The following SYCE1 variants were observed in gnomAD, a reference collection of about 807,000 sequenced individuals.
SYCE1 encodes the protein synaptonemal complex central element protein 1, also known as cancer/testis antigen 76.
A neutral mutation model predicts 55.1 loss-of-function variants in SYCE1; 37 were observed. The ratio of observed to expected loss-of-function variants is 0.67; its 90% CI spans 0.52 to 0.88. The LOEUF (loss-of-function observed/expected upper bound fraction) is 0.88. SYCE1 is among the 40% of genes least tolerant of loss of function. The pLI, the probability that SYCE1 is intolerant of heterozygous loss-of-function variation, is 0.00. For synonymous variants in SYCE1, 163 were observed against 159.4 expected (o/e 1.02, Z -0.17); for missense variants, 399 against 416.4 (o/e 0.96, Z 0.36).
chr10:133,556,172 G>T, intron 8 of SYCE1, 125 bp from the exon 9 acceptor site: 1 of 1,077,574 alleles, frequency 9.3e-7, no homozygotes, highest in Non-Finnish European at 1.3e-6. Context: ...GCCCCTCTGT[G>T]CACACCAGCT....
chr10:133,561,952 G>C (rs962010933), intron 1 of SYCE1, among the ~76,000 whole-genome samples: 1 of 151,976 alleles, frequency 6.6e-6, no homozygotes, highest in African/African-American at 2.4e-5. Flanking sequence ...AAAAAAGGGG[G>C]GGAAGATTTT....
intron 2 of SYCE1, 26 bp downstream of exon 2, chr10:133,560,065 T>C: frequency 6.2e-7 from 1 of 1,610,992 alleles, no homozygotes; most frequent in Non-Finnish European, 8.5e-7. Flanking sequence ...CCTCAGGCTG[T>C]GCCTCACACA....
intron 6 of SYCE1, 129 bp from the exon 7 acceptor site, chr10:133,557,285 G>A: frequency 1.3e-6 from 1 of 741,966 alleles, no homozygotes; most frequent in Non-Finnish European, 2.3e-6. Flanking sequence ...TGTAACATGT[G>A]GTAAGTAGGG....
Position 133,557,093 on chromosome 10 carries a change from T to G in SYCE1, c.438A>C (p.Glu146Asp), listed in dbSNP as rs148717072. 6.2e-7 allele frequency: 1 copy of G among 1,614,180 alleles called. No homozygotes were observed. The highest frequency in any genetic ancestry group is 8.5e-7 in the Non-Finnish European group (1 of 1,180,024). Residue 146 changes from glutamate (E) to aspartate (D), a missense_variant, in exon 7 of 13, where the codon GAA becomes GAC. Glu to Asp is a conservative substitution (Grantham distance 45). Coordinates refer to ENST00000343131, the MANE Select transcript of SYCE1 (RefSeq NM_001143764.3). ...TCAGCTGTCTCTGTTTGTTCTTCTC[T>G]TCTTCAATCTGCAAGTTCAGGGCAG... Reference protein sequence around the residue: ...RISALNLQIEEEKNKQRQLRL... With the variant: ...RISALNLQIEDEKNKQRQLRL...
rs940944276 is a variant in SYCE1 at position 133,555,022 on chromosome 10, C to T, written c.1026G>A (p.Arg342=). The T allele has an allele frequency of 1.3e-6, 2 of 1,550,780 alleles. No homozygotes were observed. Among genetic ancestry groups the T allele is most frequent in the Non-Finnish European group, 1.7e-6 (2 of 1,146,660 alleles). ...ATAGCTCCTTTATTTCCTGAAAGCC[C>T]CTTGGGCTAAGGTCGGGGTGGAGTG... The part of the protein sequence containing the change: ...EDTLHPDLSP[R]GFQEIKELF The change falls in exon 13 of 13, where the codon AGG becomes AGA. Residue 342 remains arginine, a synonymous_variant. Coordinates refer to ENST00000343131, the MANE Select transcript of SYCE1 (RefSeq NM_001143764.3).
chr10:133,568,055 G>GC (rs1374718345), upstream of SYCE1: 10 of 637,596 alleles, frequency 1.6e-5, no homozygotes, highest in South Asian at 1.6e-4. Flanking sequence ...GGACGGTGCG[G>GC]CCCGGGGGCC....
rs1851688414 is a variant in SYCE1 at position 133,556,558 on chromosome 10, T to C, written c.528+201A>G. The C allele has an allele frequency of 4.8e-6, 3 of 627,062 alleles. No homozygotes were observed. In the Admixed American group the frequency reaches 8.0e-5, roughly 17 times the overall value. The allele number at this position is 627,062 out of a possible 1,614,324, so 38.8% of individuals were successfully genotyped here. ...ACAGTGATGGAAGACTTGACCTTGG[T>C]CTCATCAGAGATCCCCCTGACCACT... On this transcript the variant is annotated intron_variant, in intron 8 of 12. Transcript: ENST00000343131.
upstream of SYCE1, chr10:133,568,199 A>G (rs1851995146): frequency 1.8e-6 from 2 of 1,108,078 alleles, no homozygotes; most frequent in East Asian, 5.2e-5. Context: ...GTAGCTGTAG[A>G]TGCCGAGCCG....
chr10:133,561,757 TATTTTTTTTTGTTGTTGTTTCTTTC>T (rs1851819306), intron 1 of SYCE1, among the ~76,000 whole-genome samples: 2 of 16,652 alleles, frequency 1.2e-4, no homozygotes, highest in Non-Finnish European at 7.0e-4. Flanking sequence ...GCTTAACTGG[TATTTTTTTTTGTTGTTGTTTCTTTC>T]TGTTTTTGTT....
chr10:133,555,592 C>A lies in SYCE1; in HGVS notation c.830+5G>T, dbSNP rs777947876. 6.2e-7 allele frequency: 1 copy of A among 1,603,594 alleles called. No homozygotes were observed. Reference sequence around the variant, plus strand: ...GGGTTGCGGGGACAGGGCCTCCACACGCACCTCTGCCGCTTCTGCTGCTGT... The same window carrying A: ...GGGTTGCGGGGACAGGGCCTCCACAAGCACCTCTGCCGCTTCTGCTGCTGT... On this transcript the variant is annotated splice_donor_5th_base_variant and intron_variant, in intron 11 of 12. Transcript: ENST00000343131.
upstream of SYCE1, among the ~76,000 whole-genome samples, chr10:133,566,515 G>T (rs1435597258): frequency 6.6e-6 from 1 of 150,964 alleles, no homozygotes; most frequent in African/African-American, 2.4e-5. Flanking sequence ...TAGTGTTAGG[G>T]GTAGGGGAAG....
upstream of SYCE1, among the ~76,000 whole-genome samples, chr10:133,566,404 T>G (rs922524350): frequency 3.3e-5 from 5 of 151,864 alleles, no homozygotes; most frequent in Non-Finnish European, 5.9e-5. Flanking sequence ...GGCTACAGAT[T>G]AGAGCTAGGG....
chr10:133,562,638 TTTTG>T (rs1407078915), intron 1 of SYCE1, among the ~76,000 whole-genome samples: 4 of 152,204 alleles, frequency 2.6e-5, no homozygotes, highest in Non-Finnish European at 1.5e-5. Context: ...TACCTGATTT[TTTTG>T]TTTATTAATT....
At chr10:133,555,175 T>G in intron 12 of SYCE1, 46 bp from the exon 13 acceptor site, 2 of 1,532,186 alleles carry the variant, frequency 1.3e-6, no homozygotes, top group African/African-American at 1.4e-5. Flanking sequence ...CCCATCCCCA[T>G]GGCCACATGG....
chr10:133,567,632 T>G (rs1851979680), upstream of SYCE1, among the ~76,000 whole-genome samples: 1 of 152,114 alleles, frequency 6.6e-6, no homozygotes, highest in South Asian at 2.1e-4. Context: ...GGGGAGGGCC[T>G]GATTCCTCAG....
At chr10:133,558,015 G>C (rs990965832) in intron 5 of SYCE1, 97 bp from the exon 6 acceptor site, 5 of 1,541,576 alleles carry the variant, frequency 3.2e-6, no homozygotes, top group African/African-American at 1.4e-5. Flanking sequence ...GTGGACACCT[G>C]ATTGAGCTTT....
intron 11 of SYCE1, 24 bp from the exon 12 acceptor site, chr10:133,555,462 G>C (rs1851640730): frequency 6.2e-7 from 1 of 1,613,644 alleles, no homozygotes; most frequent in African/African-American, 1.3e-5. Context: ...GGTAGGATGG[G>C]GGAAGGAAGA....
At chr10:133,559,431 G>A (rs763109124) in intron 2 of SYCE1, 71 bp from the exon 3 acceptor site, 14 of 1,470,154 alleles carry the variant, frequency 9.5e-6, no homozygotes, top group Non-Finnish European at 1.3e-5. Flanking sequence ...TTGTGTCTCT[G>A]CTGCTTTCAC....
At chr10:133,562,081 C>G (rs1233090080) in intron 1 of SYCE1, among the ~76,000 whole-genome samples, 2 of 152,152 alleles carry the variant, frequency 1.3e-5, no homozygotes, top group East Asian at 3.9e-4. Flanking sequence ...AAGGTTCTGT[C>G]TTCTTTTTTC....
Sources: allele counts gnomAD v4.1 joint callset (sites outside exome capture counted in the v4.1 genomes callset), GRCh38; gene constraint gnomAD v4.1.1; transcripts MANE v1.5; gene names NCBI Gene and HGNC (gene_info 2026-07-23, HGNC 2026-07-21).